The following BNC2 variants were observed in gnomAD, a reference collection of about 807,000 sequenced individuals.
BNC2 encodes basonuclin zinc finger protein 2, also known as zinc finger protein basonuclin-2.
Under a neutral mutation model 76.3 loss-of-function variants are expected in BNC2, and 20 were observed. That is an observed-to-expected ratio of 0.26 (90% CI 0.18 to 0.38). The LOEUF (loss-of-function observed/expected upper bound fraction) is 0.38. Among genes scored for constraint, BNC2 ranks in the 10% least tolerant of loss-of-function variants. The pLI, the probability that BNC2 is intolerant of heterozygous loss-of-function variation, is 1.00. For missense variants in BNC2, 1,382 were observed against 1,399.8 expected (o/e 0.99, Z 0.20); for synonymous variants, 582 against 514.8 (o/e 1.13, Z -1.77).
At chr9:16,786,154 A>C (rs1826287391) in intron 1 of BNC2, among the ~76,000 whole-genome samples, 2 of 152,358 alleles carry the variant, frequency 1.3e-5, no homozygotes. Context: ...CATTTGACAG[A>C]GGTAAAATAC....
intron 3 of BNC2, among the ~76,000 whole-genome samples, chr9:16,597,872 T>C (rs1389370237): frequency 6.6e-6 from 1 of 152,108 alleles, no homozygotes; most frequent in Non-Finnish European, 1.5e-5. Context: ...TTTCATTCCG[T>C]GCCTGGTTTT....
intron 1 of BNC2, among the ~76,000 whole-genome samples, chr9:16,857,678 A>G (rs10810648): frequency 0.047 from 7,084 of 152,236 alleles, 349 homozygotes; most frequent in East Asian, 0.21. Context: ...GAACAGTTAC[A>G]TATCTAATTA....
chr9:16,448,456 T>TTA (rs1348923673), intron 5 of BNC2, among the ~76,000 whole-genome samples: 1 of 152,154 alleles, frequency 6.6e-6, no homozygotes, highest in Non-Finnish European at 1.5e-5. Context: ...ACAATCAAGA[T>TTA]TACTGATATT....
chr9:16,831,919 T>C (rs1207985502), intron 1 of BNC2, among the ~76,000 whole-genome samples: 2 of 152,206 alleles, frequency 1.3e-5, no homozygotes, highest in African/African-American at 4.8e-5. Context: ...TTTGCACTCC[T>C]ATCAACCAAG....
At chr9:16,658,936 C>G (rs1822013966) in intron 3 of BNC2, among the ~76,000 whole-genome samples, 1 of 152,164 alleles carries the variant, frequency 6.6e-6, no homozygotes, top group Admixed American at 6.5e-5. Flanking sequence ...AAATCATCAA[C>G]TAGGATCAGA....
chr9:16,575,226 A>G lies in BNC2; in HGVS notation c.433+7757T>C, dbSNP rs541609441. ...ACGTGAATGTAAACAGTCTCATTCA[A>G]GAACAACATTCTTACCTATTTTGTA... is the stretch of plus-strand genomic sequence containing the variant. On this transcript the variant is annotated intron_variant, in intron 4 of 6. Transcript: ENST00000380672. The G allele has an allele frequency of 1.5e-5, 15 of 978,946 alleles. No homozygotes were observed. In the South Asian group the frequency reaches 4.7e-4, roughly 31 times the overall value. 60.6% of individuals were successfully genotyped at this position (978,946 alleles called of 1,614,324 possible).
chr9:16,535,338 G>A (rs1250555927), intron 5 of BNC2, among the ~76,000 whole-genome samples: 1 of 152,104 alleles, frequency 6.6e-6, no homozygotes, highest in African/African-American at 2.4e-5. Context: ...TAATACTTCT[G>A]GACAGAGGAA....
intron 1 of BNC2, among the ~76,000 whole-genome samples, chr9:16,842,248 T>C (rs1254984274): frequency 2.0e-5 from 3 of 152,210 alleles, no homozygotes; most frequent in Non-Finnish European, 4.4e-5. Flanking sequence ...AGAAATTCAC[T>C]TAGAAAAGAT....
At chr9:16,822,749 G>T (rs1446484761) in intron 1 of BNC2, among the ~76,000 whole-genome samples, 2 of 152,194 alleles carry the variant, frequency 1.3e-5, no homozygotes, top group Non-Finnish European at 2.9e-5. Context: ...TTGAATAAAT[G>T]GAAATATTCT....
intron 1 of BNC2, among the ~76,000 whole-genome samples, chr9:16,786,419 AGTAC>A (rs1826295005): frequency 6.6e-6 from 1 of 152,134 alleles, no homozygotes; most frequent in Non-Finnish European, 1.5e-5. Flanking sequence ...ACAAAGACCC[AGTAC>A]AGAAGAAACG....
intron 3 of BNC2, among the ~76,000 whole-genome samples, chr9:16,666,962 C>A (rs928498968): frequency 1.3e-5 from 2 of 151,818 alleles, no homozygotes; most frequent in Admixed American, 6.6e-5. Context: ...TGAACTAGTA[C>A]CAGAGTGATA....
chr9:16,681,637 T>A (rs1378881385), intron 3 of BNC2, among the ~76,000 whole-genome samples: 1 of 152,104 alleles, frequency 6.6e-6, no homozygotes, highest in Non-Finnish European at 1.5e-5. Flanking sequence ...ACTACTACAC[T>A]TATTCTCTAC....
At chr9:16,484,726 T>C (rs919967334) in intron 5 of BNC2, among the ~76,000 whole-genome samples, 2 of 152,174 alleles carry the variant, frequency 1.3e-5, no homozygotes, top group African/African-American at 2.4e-5. Context: ...AGCTCTTAAG[T>C]TTCAGGTGCT....
chr9:16,421,049 C>G (rs1279760279), intron 6 of BNC2, among the ~76,000 whole-genome samples: 1 of 152,184 alleles, frequency 6.6e-6, no homozygotes, highest in Non-Finnish European at 1.5e-5. Context: ...CCCGATTATA[C>G]TTAAAAGTAT....
intron 5 of BNC2, among the ~76,000 whole-genome samples, chr9:16,456,243 C>T (rs1294739712): frequency 6.6e-6 from 1 of 152,110 alleles, no homozygotes; most frequent in Non-Finnish European, 1.5e-5. Flanking sequence ...ACATTTTTGT[C>T]ACCTAATCTT....
intron 3 of BNC2, among the ~76,000 whole-genome samples, chr9:16,592,238 A>C (rs10120281): frequency 0.1 from 15,572 of 152,240 alleles, 1,118 homozygotes; most frequent in African/African-American, 0.2. Flanking sequence ...TGAACATCAA[A>C]TGATGTTAAA....
chr9:16,612,559 T>C (rs1270877870), intron 3 of BNC2, among the ~76,000 whole-genome samples: 2 of 152,168 alleles, frequency 1.3e-5, no homozygotes, highest in African/African-American at 4.8e-5. Flanking sequence ...TGTGGCCCCA[T>C]CAATTCAATA....
intron 1 of BNC2, among the ~76,000 whole-genome samples, chr9:16,861,205 T>TATATATA (rs1241413014): frequency 8.5e-5 from 12 of 141,560 alleles, no homozygotes; most frequent in South Asian, 2.3e-4. Context: ...TATATATAAA[T>TATATATA]TAACCAGGCA....
intron 3 of BNC2, among the ~76,000 whole-genome samples, chr9:16,655,320 G>A (rs996225078): frequency 7.2e-5 from 11 of 152,142 alleles, no homozygotes; most frequent in African/African-American, 2.7e-4. Flanking sequence ...TGGGGGGACA[G>A]TGCTTATTGC....
Sources: gnomAD v4.1 joint callset for allele counts (sites outside exome capture counted in the v4.1 genomes callset) on GRCh38, gnomAD v4.1.1 for gene constraint, MANE v1.5 for transcripts, NCBI Gene and HGNC (gene_info 2026-07-23, HGNC 2026-07-21) for gene names.